The following MYO1B variants were observed in gnomAD, a reference collection of about 807,000 sequenced individuals.
MYO1B encodes the protein myosin IB.
MYO1B carries 72 observed loss-of-function variants against 159.7 expected under a neutral mutation model. The observed-to-expected ratio is 0.45, with a 90% confidence interval of 0.37 to 0.55. MYO1B has a LOEUF of 0.55. Ranked by LOEUF, MYO1B falls within the 20% of genes least tolerant of loss-of-function variation. MYO1B has a pLI of 0.00. For synonymous variants in MYO1B, 468 were observed against 473.8 expected (o/e 0.99, Z 0.16); for missense variants, 1,062 against 1,364.8 (o/e 0.78, Z 3.50).
intron 18 of MYO1B, among the ~76,000 whole-genome samples, chr2:191,390,871 G>C (rs1695704937): frequency 1.3e-5 from 2 of 152,240 alleles, no homozygotes; most frequent in African/African-American, 4.8e-5. Context: ...GATGGGTGAA[G>C]GTCCCTCTCT....
At chr2:191,300,639 C>CTTTTTCTTTTT (rs1689267009) in intron 3 of MYO1B, among the ~76,000 whole-genome samples, 1 of 66,912 alleles carries the variant, frequency 1.5e-5, no homozygotes, top group African/African-American at 6.4e-5. Context: ...TGTGCGCAGC[C>CTTTTTCTTTTT]TTTTTTTTTT....
intron 7 of MYO1B, among the ~76,000 whole-genome samples, chr2:191,360,309 A>T (rs1020838372): frequency 1.3e-5 from 2 of 152,222 alleles, no homozygotes; most frequent in Non-Finnish European, 2.9e-5. Context: ...CATTGCTTAC[A>T]TTTGTAACGT....
At chr2:191,258,441 T>A (rs746841475) in intron 1 of MYO1B, among the ~76,000 whole-genome samples, 4 of 152,212 alleles carry the variant, frequency 2.6e-5, no homozygotes, top group African/African-American at 4.8e-5. Flanking sequence ...GACGTTACTG[T>A]ACACTGCTGT....
intron 24 of MYO1B, among the ~76,000 whole-genome samples, 159 bp downstream of exon 24, chr2:191,402,877 C>T (rs1422488985): frequency 2.0e-5 from 3 of 152,134 alleles, no homozygotes; most frequent in African/African-American, 2.4e-5. Context: ...GAAACCTATA[C>T]ACTAATTTTT....
intron 1 of MYO1B, among the ~76,000 whole-genome samples, chr2:191,259,516 G>A (rs1324119372): frequency 2.0e-4 from 31 of 152,038 alleles, no homozygotes; most frequent in Admixed American, 2.0e-3. Context: ...TTTTATAGTT[G>A]TGTATTATTC....
At chr2:191,258,918 A>G (rs1686627565) in intron 1 of MYO1B, among the ~76,000 whole-genome samples, 1 of 152,202 alleles carries the variant, frequency 6.6e-6, no homozygotes, top group Non-Finnish European at 1.5e-5. Flanking sequence ...CTTTGAAGTG[A>G]CCTTTTTGTG....
chr2:191,291,425 T>G (rs1376989301), intron 2 of MYO1B, among the ~76,000 whole-genome samples: 1 of 151,944 alleles, frequency 6.6e-6, no homozygotes, highest in Non-Finnish European at 1.5e-5. Context: ...AAGGTAGAGC[T>G]TGTTTTCTTC....
At chr2:191,338,104 A>G (rs1156808017) in intron 4 of MYO1B, among the ~76,000 whole-genome samples, 1 of 152,000 alleles carries the variant, frequency 6.6e-6, no homozygotes, top group Non-Finnish European at 1.5e-5. Context: ...GTGCCTGTGT[A>G]ATGAAGTACT....
chr2:191,355,890 G>T (rs1208280520), intron 7 of MYO1B, among the ~76,000 whole-genome samples: 4 of 152,130 alleles, frequency 2.6e-5, no homozygotes, highest in African/African-American at 9.7e-5. Flanking sequence ...GATTACTCTG[G>T]ATTGCTTTGT....
chr2:191,364,912 G>T (rs563828620), intron 11 of MYO1B, among the ~76,000 whole-genome samples: 1 of 150,464 alleles, frequency 6.6e-6, no homozygotes. Flanking sequence ...CCAAGCAACT[G>T]GAAACATGGA....
intron 13 of MYO1B, chr2:191,381,107 G>C (rs1011132634): frequency 2.9e-6 from 1 of 339,230 alleles, no homozygotes; most frequent in Non-Finnish European, 5.7e-6. Flanking sequence ...GAGAATGGGA[G>C]ATTCAGAACT....
chr2:191,369,439 TA>T, intron 11 of MYO1B, 102 bp from the exon 12 acceptor site: 1 of 886,912 alleles, frequency 1.1e-6, no homozygotes, highest in Non-Finnish European at 1.7e-6. Context: ...AGATGTGAAA[TA>T]AAAGAGCTTC....
chr2:191,268,713 A>G (rs1687285736), intron 1 of MYO1B, among the ~76,000 whole-genome samples: 1 of 152,166 alleles, frequency 6.6e-6, no homozygotes, highest in African/African-American at 2.4e-5. Flanking sequence ...GAGTCTGGGA[A>G]GGTTCACCCG....
intron 15 of MYO1B, 130 bp downstream of exon 15, chr2:191,383,472 A>G (rs868687127): frequency 0.27 from 8,862 of 32,724 alleles, 469 homozygotes; most frequent in Non-Finnish European, 0.43. Flanking sequence ...ATATATATAT[A>G]TACACACACA....
rs762021910 is a variant in MYO1B, at chr2:191,341,573, G to A, written c.451+8G>A. 3.1e-6 allele frequency: 5 copies of A among 1,608,098 alleles called. No homozygotes were observed. The African/African-American group carries it at 5.3e-5, about 17-fold the overall frequency. ...CCAACCCGGTCCTGGAAGGTAGGAT[G>A]TGTTATGTTCATTAAGTCGGTGTGA... On this transcript the variant is annotated splice_region_variant and intron_variant, in intron 5 of 30. Coordinates refer to ENST00000392318, the MANE Select transcript of MYO1B (RefSeq NM_001130158.3).
In MYO1B at chr2:191,390,451, G is replaced by C. The variant is rs2126099260; in HGVS notation, c.1941G>C (p.Met647Ile). 1.2e-6 allele frequency: 2 copies of C among 1,614,184 alleles called. No individual in the cohort carries two copies. Among genetic ancestry groups the C allele is most frequent in the South Asian group, 2.2e-5 (2 of 91,090 alleles). The change falls in exon 18 of 31, where the codon ATG (methionine) becomes ATC (isoleucine). Residue 647 changes from methionine (M) to isoleucine (I), a missense_variant. Met to Ile is a conservative substitution (Grantham distance 10, BLOSUM62 1). Coordinates refer to ENST00000392318, the MANE Select transcript of MYO1B (RefSeq NM_001130158.3). ...AYEPCLERYKMLCKQTWPHWK... is the reference protein window; with the variant it reads ...AYEPCLERYKILCKQTWPHWK... ...AACCTTGCCTAGAAAGATACAAAAT[G>C]CTTTGTAAACAAACATGGCCTCATT...
intron 4 of MYO1B, among the ~76,000 whole-genome samples, chr2:191,339,224 T>G (rs997961616): frequency 6.6e-6 from 1 of 152,094 alleles, no homozygotes; most frequent in Non-Finnish European, 1.5e-5. Context: ...GAATTGAAAT[T>G]GAAAGGCAGA....
Position 191,393,211 on chromosome 2 carries a change from A to G in MYO1B, c.2215A>G (p.Arg739Gly). 1.9e-6 allele frequency: 3 copies of G among 1,614,116 alleles called. No individual in the cohort carries two copies. Among genetic ancestry groups the G allele is most frequent in the East Asian group, 2.2e-5 (1 of 44,892 alleles). ...KSQIVIAAWYRRYAQQKRYQQ... is the reference protein window; with the variant it reads ...KSQIVIAAWYGRYAQQKRYQQ... ...CCAAATTGTGATTGCCGCCTGGTAC[A>G]GGAGATATGCGGTAAGAGTCTCAGT... Residue 739 changes from arginine to glycine, a missense_variant, in exon 20 of 31, where the codon AGG (arginine) becomes GGG (glycine). Arg to Gly is a moderately radical substitution (Grantham distance 125). Around this residue, in one of 5 missense-constraint regions of MYO1B, gnomAD observed 609 missense variants for 744.4 expected, o/e 0.82. Transcript: ENST00000392318.
At chr2:191,327,067 G>A (rs1691144919) in intron 3 of MYO1B, among the ~76,000 whole-genome samples, 1 of 152,138 alleles carries the variant, frequency 6.6e-6, no homozygotes, top group Non-Finnish European at 1.5e-5. Flanking sequence ...GAACATTGGA[G>A]GAGCAGAAGG....
Sources: allele counts gnomAD v4.1 joint callset (sites outside exome capture counted in the v4.1 genomes callset), GRCh38; gene constraint gnomAD v4.1.1; regional missense constraint gnomAD v4.1.1; transcripts MANE v1.5; gene names NCBI Gene and HGNC (gene_info 2026-07-23, HGNC 2026-07-21).